The following ANKRD13C variants were observed in gnomAD, a reference collection of about 807,000 sequenced individuals.
The protein encoded by ANKRD13C is ankyrin repeat domain-containing protein 13C.
A neutral mutation model predicts 65.5 loss-of-function variants in ANKRD13C; 16 were observed. The ratio of observed to expected loss-of-function variants is 0.24; its 90% CI spans 0.17 to 0.37. The LOEUF is 0.37. Ranked by LOEUF, ANKRD13C falls within the 10% of genes least tolerant of loss-of-function variation. The pLI is 1.00. For synonymous variants in ANKRD13C, 235 were observed against 238.7 expected, an observed-to-expected ratio of 0.98 and a Z score of 0.14; for missense variants, 503 against 655.9, an observed-to-expected ratio of 0.77 and a Z score of 2.55.
chr1:70,349,974 A>T (rs1322837769), intron 1 of ANKRD13C, among the ~76,000 whole-genome samples: 1 of 152,014 alleles, frequency 6.6e-6, no homozygotes, highest in African/African-American at 2.4e-5. Flanking sequence ...TGTCTCTACT[A>T]AAAATACAAA....
intron 3 of ANKRD13C, among the ~76,000 whole-genome samples, chr1:70,317,661 C>T (rs1681129238): frequency 6.6e-6 from 1 of 152,092 alleles, no homozygotes; most frequent in Non-Finnish European, 1.5e-5. Context: ...GACAAACCTT[C>T]CTGTTCATTA....
chr1:70,351,519 C>G (rs1275292639), intron 1 of ANKRD13C, among the ~76,000 whole-genome samples: 1 of 152,190 alleles, frequency 6.6e-6, no homozygotes, highest in Non-Finnish European at 1.5e-5. Flanking sequence ...CCTGCCTCAG[C>G]TTCCCAAATA....
At chr1:70,296,333 A>G (rs1680080691) in intron 7 of ANKRD13C, 72 bp from the exon 8 acceptor site, 3 of 1,433,684 alleles carry the variant, frequency 2.1e-6, no homozygotes, top group Admixed American at 4.4e-5. Flanking sequence ...ATATGAAAAT[A>G]TCAACAATTA....
At chr1:70,279,834 T>C (rs1158309963) in intron 9 of ANKRD13C, among the ~76,000 whole-genome samples, 2 of 152,148 alleles carry the variant, frequency 1.3e-5, no homozygotes, top group Non-Finnish European at 2.9e-5. Flanking sequence ...GTTTCTTGTG[T>C]GGTGTGCGGC....
At chr1:70,328,192 G>A (rs962598763) in intron 2 of ANKRD13C, among the ~76,000 whole-genome samples, 1 of 151,646 alleles carries the variant, frequency 6.6e-6, no homozygotes, top group Admixed American at 6.6e-5. Context: ...CAATTTTGGG[G>A]GTATATTTAA....
At chr1:70,294,588 C>A (rs1407350646) in intron 8 of ANKRD13C, among the ~76,000 whole-genome samples, 1 of 150,886 alleles carries the variant, frequency 6.6e-6, no homozygotes, top group Non-Finnish European at 1.5e-5. Context: ...AACTGCAACA[C>A]AGAAACCCTG....
At chr1:70,336,476 C>A (rs190586288) in intron 1 of ANKRD13C, among the ~76,000 whole-genome samples, 3 of 151,852 alleles carry the variant, frequency 2.0e-5, no homozygotes, top group Non-Finnish European at 4.4e-5. Context: ...TCAAGTTGTT[C>A]GGAAAGTCTG....
chr1:70,327,258 T>C (rs1315914875), intron 2 of ANKRD13C, among the ~76,000 whole-genome samples: 6 of 152,206 alleles, frequency 3.9e-5, no homozygotes, highest in Non-Finnish European at 8.8e-5. Flanking sequence ...TATGTAAAGT[T>C]CCTAATATCA....
At position 70,276,818 on chromosome 1, in the gene ANKRD13C, A is replaced by T; in HGVS notation, c.1242T>A (p.Pro414=). 1 of 1,601,982 alleles carries T rather than the reference A, an allele frequency of 6.2e-7. No individual in the cohort carries two copies. The highest frequency in any genetic ancestry group is 1.1e-5 in the South Asian group (1 of 87,856). Reference sequence around the variant, plus strand: ...CCCATGTAATAGTGTTCTGAGGAGGAGGTGTAAGAGACTGTCTTCGAATCG... The same window carrying T: ...CCCATGTAATAGTGTTCTGAGGAGGTGGTGTAAGAGACTGTCTTCGAATCG... ...FEPIRRQSLT[P]PPQNTITWEE... is the part of the protein sequence containing the mutation. The change falls in exon 10 of 13, where the codon CCT becomes CCA. Residue 414 remains proline, a synonymous_variant. Transcript: ENST00000370944.
chr1:70,301,214 T>C (rs566146437), intron 6 of ANKRD13C, among the ~76,000 whole-genome samples: 2 of 151,802 alleles, frequency 1.3e-5, no homozygotes, highest in East Asian at 3.9e-4. Context: ...CACACACATA[T>C]ATATATACAC....
chr1:70,334,804 G>A lies in ANKRD13C; in HGVS notation c.472+1254C>T, dbSNP rs536987339. ...CCCTATAATCCCAGCTACTCCGGAGGCTGAGGCAGGAGAGTCGCTTGAACC... is the reference window on the plus strand; with the variant it reads ...CCCTATAATCCCAGCTACTCCGGAGACTGAGGCAGGAGAGTCGCTTGAACC... On this transcript the variant is annotated intron_variant, in intron 2 of 12. Coordinates refer to ENST00000370944, the MANE Select transcript of ANKRD13C (RefSeq NM_030816.5). 2.0e-5 allele frequency among the ~76,000 whole-genome samples: 3 copies of A among 152,112 alleles called. No homozygotes were observed. In the South Asian group the frequency reaches 6.2e-4, roughly 32 times the overall value.
intron 2 of ANKRD13C, among the ~76,000 whole-genome samples, chr1:70,326,580 T>C (rs961729856): frequency 7.9e-5 from 12 of 152,242 alleles, no homozygotes; most frequent in Non-Finnish European, 1.6e-4. Flanking sequence ...TTTATCACAA[T>C]AATGTAAAAT....
chr1:70,264,768 A>G (rs988913723), intron 12 of ANKRD13C, among the ~76,000 whole-genome samples: 1 of 152,202 alleles, frequency 6.6e-6, no homozygotes, highest in Non-Finnish European at 1.5e-5. Flanking sequence ...TCAGACAACA[A>G]ATAAATGATG....
At chr1:70,277,008 T>C (rs927618985) in intron 9 of ANKRD13C, among the ~76,000 whole-genome samples, 164 bp from the exon 10 acceptor site, 9 of 152,198 alleles carry the variant, frequency 5.9e-5, no homozygotes, top group African/African-American at 1.9e-4. Flanking sequence ...TCCATGGTGG[T>C]TTAAGCTCTA....
intron 7 of ANKRD13C, 94 bp from the exon 8 acceptor site, chr1:70,296,355 A>C: frequency 3.2e-6 from 4 of 1,236,798 alleles, no homozygotes; most frequent in Non-Finnish European, 4.5e-6. Flanking sequence ...AATGGTACCA[A>C]TTTTTAAAGA....
chr1:70,278,968 A>C (rs866189408), intron 9 of ANKRD13C, among the ~76,000 whole-genome samples: 8 of 152,122 alleles, frequency 5.3e-5, no homozygotes, highest in African/African-American at 1.9e-4. Flanking sequence ...TGGGAGGCCA[A>C]GGCAGGTTGA....
Position 70,281,565 on chromosome 1 carries a change from G to C in ANKRD13C, c.1216-4721C>G, listed in dbSNP as rs142095211. Among the ~76,000 whole-genome samples the C allele has an allele frequency of 4.6e-4, 70 of 151,718 alleles. No individual in the cohort carries two copies. The East Asian group carries it at 0.013, about 29-fold the overall frequency. ...CTACAGATGCATGCCACCATGTTCA[G>C]CTTGTTTTTACTTTTTTTTTGTAGA... On this transcript the variant is annotated intron_variant, in intron 9 of 12. Transcript: ENST00000370944.
At chr1:70,298,531 T>C (rs183635129) in intron 7 of ANKRD13C, among the ~76,000 whole-genome samples, 48 of 152,264 alleles carry the variant, frequency 3.2e-4, no homozygotes, top group African/African-American at 1.1e-3. Context: ...ATACATACCT[T>C]AATACCTTAA....
At chr1:70,300,730 A>C (rs1363674530) in intron 7 of ANKRD13C, 34 bp downstream of exon 7, 2 of 1,521,048 alleles carry the variant, frequency 1.3e-6, no homozygotes, top group African/African-American at 2.8e-5. Context: ...TTTTTTAATG[A>C]TTTAAAGGAA....
Sources: gnomAD v4.1 joint callset for allele counts (sites outside exome capture counted in the v4.1 genomes callset) on GRCh38, gnomAD v4.1.1 for gene constraint, MANE v1.5 for transcripts, NCBI Gene and HGNC (gene_info 2026-07-23, HGNC 2026-07-21) for gene names.